The following DLG2 variants were observed in gnomAD, a reference collection of about 807,000 sequenced individuals.
DLG2 encodes discs large MAGUK scaffold protein 2, also known as disks large homolog 2.
Under a neutral mutation model 132.5 loss-of-function variants are expected in DLG2, and 45 were observed. The ratio of observed to expected loss-of-function variants is 0.34; its 90% CI spans 0.27 to 0.44. The LOEUF is 0.44. DLG2 is among the 20% of genes least tolerant of loss of function. The pLI is 1.00. For missense variants in DLG2, 1,045 were observed against 1,196.9 expected (o/e 0.87, Z 1.87); for synonymous variants, 424 against 419.6 (o/e 1.01, Z -0.13).
At chr11:85,508,338 C>T (rs890979690) in intron 3 of DLG2, among the ~76,000 whole-genome samples, 4 of 152,038 alleles carry the variant, frequency 2.6e-5, no homozygotes, top group African/African-American at 9.7e-5. Flanking sequence ...GCCATCTACA[C>T]CATGTACACT....
chr11:85,539,819 T>C (rs1054488903), intron 3 of DLG2, among the ~76,000 whole-genome samples: 1 of 152,162 alleles, frequency 6.6e-6, no homozygotes, highest in Non-Finnish European at 1.5e-5. Context: ...AAATATAGAT[T>C]GAAGCTGATG....
intron 7 of DLG2, among the ~76,000 whole-genome samples, chr11:84,261,036 T>C (rs1213318353): frequency 3.3e-5 from 5 of 152,234 alleles, no homozygotes; most frequent in African/African-American, 1.2e-4. Flanking sequence ...GGATACCATC[T>C]GTTCCTCGTT....
At chr11:85,071,112 A>T (rs1451649525) in intron 6 of DLG2, among the ~76,000 whole-genome samples, 2 of 151,910 alleles carry the variant, frequency 1.3e-5, no homozygotes, top group Non-Finnish European at 1.5e-5. Flanking sequence ...TGGGAGGATT[A>T]AATGAATTCA....
At chr11:84,139,213 C>T (rs1177738829) in intron 9 of DLG2, among the ~76,000 whole-genome samples, 1 of 152,058 alleles carries the variant, frequency 6.6e-6, no homozygotes, top group Admixed American at 6.6e-5. Context: ...ATTTCCTATT[C>T]ACAGCATCTT....
intron 6 of DLG2, among the ~76,000 whole-genome samples, chr11:84,984,710 A>G (rs1429645065): frequency 1.3e-5 from 2 of 152,186 alleles, no homozygotes; most frequent in Non-Finnish European, 2.9e-5. Flanking sequence ...TGCAGAATGG[A>G]TAAGAATTCA....
chr11:83,663,340 A>T (rs995268731), intron 18 of DLG2, among the ~76,000 whole-genome samples: 13 of 152,184 alleles, frequency 8.5e-5, no homozygotes, highest in Non-Finnish European at 1.8e-4. Flanking sequence ...AGTGGGTATA[A>T]TATACCACGT....
chr11:85,388,415 C>T (rs1268814590), intron 3 of DLG2, among the ~76,000 whole-genome samples: 1 of 152,116 alleles, frequency 6.6e-6, no homozygotes, highest in Admixed American at 6.5e-5. Flanking sequence ...CTCTATAGCC[C>T]TGCCCACCAC....
chr11:84,591,723 G>C (rs967411623), intron 6 of DLG2, among the ~76,000 whole-genome samples: 6 of 151,972 alleles, frequency 3.9e-5, no homozygotes, highest in Admixed American at 2.0e-4. Context: ...GAGGTACTGG[G>C]TGATGATTCC....
chr11:84,268,555 A>T (rs1203330386), intron 7 of DLG2, among the ~76,000 whole-genome samples: 1 of 145,844 alleles, frequency 6.9e-6, no homozygotes, highest in Non-Finnish European at 1.5e-5. Flanking sequence ...TCCACCTCCC[A>T]GGTTCACGCC....
chr11:85,234,438 A>C (rs1156794557), intron 4 of DLG2, among the ~76,000 whole-genome samples: 2 of 151,966 alleles, frequency 1.3e-5, no homozygotes, highest in African/African-American at 4.8e-5. Context: ...CTAAATTCTG[A>C]GAGTGAAATC....
rs1454512455 is a variant in DLG2, at chr11:83,456,549, A to T, written c.*3269T>A. On this transcript the variant is annotated 3_prime_UTR_variant, in exon 28 of 28. Transcript: ENST00000376104. ...GAATAAGAAGGGCAGAGAAACAGAG[A>T]CTAAAGGAGAGGTGGACAAAAAGAG... is the stretch of plus-strand genomic sequence containing the variant. The T allele has an allele frequency of 2.0e-5, 3 of 152,532 alleles. No individual in the cohort carries two copies. Among genetic ancestry groups the T allele is most frequent in the African/African-American group, 7.2e-5 (3 of 41,414 alleles). The allele number at this position is 152,532 out of a possible 1,614,324, so 9.4% of individuals were successfully genotyped here. A position where few individuals can be genotyped will look rare whatever the true frequency, so the allele number is the denominator to read the frequency against.
intron 3 of DLG2, among the ~76,000 whole-genome samples, chr11:85,465,302 G>A (rs905935919): frequency 4.0e-5 from 6 of 150,494 alleles, no homozygotes; most frequent in Non-Finnish European, 8.9e-5. Context: ...CACTGCAACT[G>A]GCTAATTTTT....
rs147040832 is a variant in DLG2 at position 83,481,797 on chromosome 11, G to A, written c.2293+2332C>T. Among the ~76,000 whole-genome samples the A allele has an allele frequency of 2.8e-3, 421 of 152,218 alleles. 1 individual carries two copies. Among genetic ancestry groups the A allele is most frequent in the African/African-American group, 9.7e-3 (402 of 41,534 alleles). On this transcript the variant is annotated intron_variant, in intron 22 of 27. Transcript: ENST00000376104. ...TGGAGATTATTATCTTAAGTGCCTT[G>A]AATTGGGTAAGACAGGGCTTTTTGT... is the stretch of plus-strand genomic sequence containing the variant.
chr11:83,719,742 G>A (rs1473754406), intron 18 of DLG2, among the ~76,000 whole-genome samples: 2 of 152,180 alleles, frequency 1.3e-5, no homozygotes, highest in Admixed American at 6.5e-5. Context: ...ATTACAACGA[G>A]AAGTTTGGCG....
chr11:83,471,775 C>G, intron 23 of DLG2, 48 bp from the exon 24 acceptor site: 3 of 1,502,286 alleles, frequency 2.0e-6, no homozygotes, highest in East Asian at 2.3e-5. Context: ...GAGTTGGAAA[C>G]AACTGCAAAA....
At chr11:84,154,079 C>T (rs2095369246) in intron 9 of DLG2, among the ~76,000 whole-genome samples, 1 of 152,136 alleles carries the variant, frequency 6.6e-6, no homozygotes, top group Non-Finnish European at 1.5e-5. Flanking sequence ...CTCACTGCAG[C>T]CTCTGCCTCC....
intron 7 of DLG2, among the ~76,000 whole-genome samples, chr11:84,442,838 T>C (rs889770136): frequency 1.3e-5 from 2 of 152,140 alleles, no homozygotes; most frequent in African/African-American, 4.8e-5. Flanking sequence ...AAATATTAGC[T>C]GGAAAAAGTG....
chr11:83,628,169 G>GTTCA (rs2062936635), intron 19 of DLG2, among the ~76,000 whole-genome samples: 2 of 152,138 alleles, frequency 1.3e-5, no homozygotes, highest in African/African-American at 2.4e-5. Flanking sequence ...TAGGTTGCCT[G>GTTCA]TTCACTCTGA....
At chr11:84,628,555 G>T (rs2099626615) in intron 6 of DLG2, among the ~76,000 whole-genome samples, 1 of 152,168 alleles carries the variant, frequency 6.6e-6, no homozygotes, top group African/African-American at 2.4e-5. Flanking sequence ...TGAATTTGAT[G>T]CATTTTTGCT....
Sources: gnomAD v4.1 joint callset for allele counts (sites outside exome capture counted in the v4.1 genomes callset) on GRCh38, gnomAD v4.1.1 for gene constraint, MANE v1.5 for transcripts, NCBI Gene and HGNC (gene_info 2026-07-23, HGNC 2026-07-21) for gene names.